The following NCBP3 variants were observed in gnomAD, a reference collection of about 807,000 sequenced individuals.
The protein encoded by NCBP3 is nuclear cap-binding protein subunit 3.
A neutral mutation model predicts 75.7 loss-of-function variants in NCBP3; 20 were observed. The observed-to-expected ratio is 0.26, with a 90% CI of 0.19 to 0.38. The LOEUF is 0.38. NCBP3 is among the 10% of genes least tolerant of loss of function. The pLI is 1.00. For synonymous variants in NCBP3, 293 were observed against 290.5 expected (o/e 1.01, Z -0.09); for missense variants, 678 against 796.9 (o/e 0.85, Z 1.80).
intron 11 of NCBP3, 32 bp from the exon 12 acceptor site, chr17:3,814,515 G>C: frequency 6.2e-7 from 1 of 1,610,292 alleles, no homozygotes; most frequent in Non-Finnish European, 8.5e-7. Flanking sequence ...ACCAGTGACC[G>C]TGTGTGTGCT....
rs1364599964 is a variant in NCBP3, at chr17:3,831,975, G to A, written c.356-2607C>T. On this transcript the variant is annotated intron_variant, in intron 3 of 12. Coordinates refer to ENST00000389005, the MANE Select transcript of NCBP3 (RefSeq NM_001114118.3). ...AAGGCGGGTGGATCACTTGATGTCAGGAGTTCGAGATCAGCCTGGACAACA... is the reference window on the plus strand; with the variant it reads ...AAGGCGGGTGGATCACTTGATGTCAAGAGTTCGAGATCAGCCTGGACAACA... 2.5e-5 allele frequency among the ~76,000 whole-genome samples: 3 copies of A among 119,150 alleles called. 1 individual carries two copies. In the South Asian group the frequency reaches 9.2e-4, roughly 36 times the overall value. 78.2% of individuals were successfully genotyped at this position (119,150 alleles called of 152,430 possible).
chr17:3,829,803 G>T (rs1164066200), intron 3 of NCBP3, among the ~76,000 whole-genome samples: 3 of 152,116 alleles, frequency 2.0e-5, no homozygotes, highest in Non-Finnish European at 4.4e-5. Context: ...GTCAAAGCAT[G>T]AAACTAAAGA....
At position 3,832,379 on chromosome 17, in the gene NCBP3, A is replaced by G. The variant is rs375254741; in HGVS notation, c.356-3011T>C. On this transcript the variant is annotated intron_variant, in intron 3 of 12. Transcript: ENST00000389005. ...GCAGGCGCGGTGGCTCACGCCTGTA[A>G]TCCCAGCACTTTGGGAGGCCGGGGC... 6.6e-5 allele frequency among the ~76,000 whole-genome samples: 8 copies of G among 120,554 alleles called. 2 individuals are homozygous for G. Among genetic ancestry groups the G allele is most frequent in the South Asian group, 3.0e-4 (1 of 3,366 alleles). The allele number at this position is 120,554 out of a possible 152,430, so 79.1% of individuals were successfully genotyped here.
In NCBP3 at chr17:3,821,283, G is replaced by A. The variant is rs761730868; in HGVS notation, c.966C>T (p.Asp322=). Residue 322 remains aspartate (D), a synonymous_variant, in exon 9 of 13, where the codon GAC becomes GAT. Coordinates refer to ENST00000389005, the MANE Select transcript of NCBP3 (RefSeq NM_001114118.3). The part of the protein sequence containing the change: ...VIKKRALIGD[D]VGLTSYKHRH... ...GATGTTTATACGACGTCAAGCCAAC[G>A]TCATCCCCAATCAGGGCTCTCTTCT... 7 of 1,614,000 alleles carry A rather than the reference G, an allele frequency of 4.3e-6. No homozygotes were observed. Among genetic ancestry groups the A allele is most frequent in the Admixed American group, 1.7e-5 (1 of 60,016 alleles).
At position 3,813,121 on chromosome 17, in the gene NCBP3, T is replaced by C. The variant is rs999641829; in HGVS notation, c.1786A>G (p.Ser596Gly). 5 of 1,614,256 alleles carry C rather than the reference T, an allele frequency of 3.1e-6. No homozygotes were observed. Among genetic ancestry groups the C allele is most frequent in the Non-Finnish European group, 4.2e-6 (5 of 1,180,050 alleles). The part of the protein sequence containing the change: ...KEKEQSRQKK[S>G]RLDNLPSLQI... Reference sequence around the variant, plus strand: ...AGAGATGGTAAGTTATCTAACCGGCTCTTCTTTTGGCGAGACTGCTCTTTC... The same window carrying C: ...AGAGATGGTAAGTTATCTAACCGGCCCTTCTTTTGGCGAGACTGCTCTTTC... Residue 596 changes from serine (S) to glycine (G), a missense_variant, in exon 13 of 13, where the codon AGC (serine) becomes GGC (glycine). This residue lies in a region of NCBP3 where 365 missense variants were observed against 392.7 expected (regional missense o/e 0.93). Coordinates refer to ENST00000389005, the MANE Select transcript of NCBP3 (RefSeq NM_001114118.3).
Position 3,811,671 on chromosome 17 carries a change from T to C in NCBP3, c.*1373A>G, listed in dbSNP as rs896871099. On this transcript the variant is annotated 3_prime_UTR_variant, in exon 13 of 13. Coordinates refer to ENST00000389005, the MANE Select transcript of NCBP3 (RefSeq NM_001114118.3). The stretch of plus-strand genomic sequence containing the variant: ...GATCGACAGGATCCAGGCTGCACTG[T>C]GTGCACAACAGCCCAGGCAGGTGAA... 1 of 152,214 alleles carries C rather than the reference T, an allele frequency of 6.6e-6. No homozygotes were observed. Among genetic ancestry groups the C allele is most frequent in the Non-Finnish European group, 1.5e-5 (1 of 68,054 alleles). 9.4% of individuals were successfully genotyped at this position (152,214 alleles called of 1,614,324 possible). A position where few individuals can be genotyped will look rare whatever the true frequency, so the allele number is the denominator to read the frequency against.
At position 3,816,631 on chromosome 17, in the gene NCBP3, T is replaced by C. The variant is rs62070426; in HGVS notation, c.1311-361A>G. On this transcript the variant is annotated intron_variant, in intron 10 of 12. Transcript: ENST00000389005. ...ATGTGGCTGTAGTCAACACACAGTA[T>C]AGTCTACAGTCTCTCTCTTTAAAGG... 5.0e-3 allele frequency among the ~76,000 whole-genome samples: 765 copies of C among 152,360 alleles called. 2 individuals carry two copies. Among genetic ancestry groups the C allele is most frequent in the Non-Finnish European group, 8.4e-3 (571 of 68,036 alleles).
At chr17:3,822,607 A>G (rs1208831363) in intron 7 of NCBP3, 2 of 152,282 alleles carry the variant, frequency 1.3e-5, no homozygotes, top group African/African-American at 2.4e-5. Context: ...AAATGAGTAA[A>G]TGTGGTAAAG....
At chr17:3,833,280 A>AT (rs1313177921) in intron 3 of NCBP3, among the ~76,000 whole-genome samples, 1 of 152,120 alleles carries the variant, frequency 6.6e-6, no homozygotes, top group African/African-American at 2.4e-5. Context: ...TGCTCAGCTA[A>AT]TTTTTTTATT....
rs1315534548 is a variant in NCBP3 at position 3,818,582 on chromosome 17, T to C, written c.1001-10A>G. ...GGAACATTCACTAGCCCTGAAGAAA[T>C]TTAACCAGAAAACATTAGGAAAAGC... On this transcript the variant is annotated splice_polypyrimidine_tract_variant and intron_variant, in intron 9 of 12. Coordinates refer to ENST00000389005, the MANE Select transcript of NCBP3 (RefSeq NM_001114118.3). The surrounding 1 kb of genome is among the most constrained non-coding windows in gnomAD (Gnocchi z 4.7). The C allele has an allele frequency of 7.6e-6, 12 of 1,587,688 alleles. No individual in the cohort carries two copies. Among genetic ancestry groups the C allele is most frequent in the Non-Finnish European group, 9.4e-6 (11 of 1,171,140 alleles).
rs112698581 is a variant in NCBP3 at position 3,818,033 on chromosome 17, T to C, written c.1310+230A>G. 6.6e-6 allele frequency among the ~76,000 whole-genome samples: 1 copy of C among 152,086 alleles called. No individual in the cohort carries two copies. Among genetic ancestry groups the C allele is most frequent in the East Asian group, 1.9e-4 (1 of 5,196 alleles). On this transcript the variant is annotated intron_variant, in intron 10 of 12. Transcript: ENST00000389005. The surrounding 1 kb of genome is among the most constrained non-coding windows in gnomAD (Gnocchi z 4.7). ...TTCGCCAAATTGCTAACAGTAGTTA[T>C]TGTTGAGAAAGAATGGGAATACAGA... is the stretch of plus-strand genomic sequence containing the variant.
chr17:3,846,232 G>A lies in NCBP3; in HGVS notation c.-9C>T, dbSNP rs1405145848. ...CCCCGTACGGCCGCCATCGCTGCCT[G>A]CCGGCCGCACCACTGAGAGCCCGCC... On this transcript the variant is annotated 5_prime_UTR_variant, in exon 1 of 13. Transcript: ENST00000389005. This position sits in a 1 kb window ranked among gnomAD's most constrained non-coding sequence, Gnocchi z 4.6. The A allele has an allele frequency of 4.2e-6, 6 of 1,420,944 alleles. No homozygotes were observed. Among genetic ancestry groups the A allele is most frequent in the Admixed American group, 3.2e-5 (1 of 30,964 alleles). 88.0% of individuals were successfully genotyped at this position (1,420,944 alleles called of 1,614,324 possible).
chr17:3,829,350 A>G lies in NCBP3; in HGVS notation c.374T>C (p.Leu125Pro), dbSNP rs2053839440. The G allele has an allele frequency of 6.4e-7, 1 of 1,551,970 alleles. No homozygotes were observed. The highest frequency in any genetic ancestry group is 8.7e-7 in the Non-Finnish European group (1 of 1,147,006). Reference sequence around the variant, plus strand: ...TACTCCGCAAATATAGATTGTCTCCAGTCTCACCTTGGGGATTGCTAGAAA... The same window carrying G: ...TACTCCGCAAATATAGATTGTCTCCGGTCTCACCTTGGGGATTGCTAGAAA... The part of the protein sequence containing the change: ...MMKKAIPKVR[L>P]ETIYICGVDE... Residue 125 changes from leucine to proline, a missense_variant, in exon 4 of 13, where the codon CTG becomes CCG. Around this residue, in one of 7 missense-constraint regions of NCBP3, gnomAD observed 40 missense variants for 41.3 expected, o/e 0.97. Transcript: ENST00000389005.
Position 3,812,632 on chromosome 17 carries a change from T to C in NCBP3, c.*412A>G. 1 of 1,016,078 alleles carries C rather than the reference T, an allele frequency of 9.8e-7. No homozygotes were observed. Among genetic ancestry groups the C allele is most frequent in the East Asian group, 9.7e-5 (1 of 10,288 alleles). The allele number at this position is 1,016,078 out of a possible 1,614,324, so 62.9% of individuals were successfully genotyped here. On this transcript the variant is annotated 3_prime_UTR_variant, in exon 13 of 13. Coordinates refer to ENST00000389005, the MANE Select transcript of NCBP3 (RefSeq NM_001114118.3). ...TAAGCACCTGGGAATTGACTTTTCT[T>C]GGGAAAAGGGTGCTGGTAACAGCTG... is the stretch of plus-strand genomic sequence containing the variant.
intron 7 of NCBP3, 44 bp downstream of exon 7, chr17:3,824,898 C>T: frequency 8.9e-7 from 1 of 1,120,558 alleles, no homozygotes; most frequent in Admixed American, 2.4e-5. Flanking sequence ...CATAATAAAT[C>T]ATTTTGATTG....
At chr17:3,840,276 T>C (rs997408608) in intron 2 of NCBP3, 71 bp from the exon 3 acceptor site, 2 of 1,238,586 alleles carry the variant, frequency 1.6e-6, no homozygotes, top group South Asian at 1.3e-5. Flanking sequence ...TGCATCATGA[T>C]GCATCAGTGA....
intron 1 of NCBP3, among the ~76,000 whole-genome samples, chr17:3,845,505 G>C (rs1348207366): frequency 1.4e-5 from 2 of 146,578 alleles, no homozygotes; most frequent in East Asian, 1.9e-4. Flanking sequence ...CTGGAGCTGC[G>C]GGGGGGGCAA....
chr17:3,826,796 G>A (rs988547897), intron 4 of NCBP3, among the ~76,000 whole-genome samples: 6 of 151,986 alleles, frequency 3.9e-5, no homozygotes, highest in East Asian at 1.9e-4. Flanking sequence ...GGCGGATCAC[G>A]AGGTCAGGAG....
intron 3 of NCBP3, among the ~76,000 whole-genome samples, chr17:3,837,981 T>TA (rs1302157551): frequency 3.7e-4 from 53 of 144,914 alleles, no homozygotes; most frequent in Non-Finnish European, 6.4e-4. Context: ...AGTTGTACGT[T>TA]AAAAAAAAAA....
Sources: gnomAD v4.1 joint callset for allele counts (sites outside exome capture counted in the v4.1 genomes callset) on GRCh38, gnomAD v4.1.1 for gene constraint, gnomAD v4.1.1 regional missense constraint, Gnocchi (gnomAD v3.1) non-coding constraint, MANE v1.5 for transcripts, NCBI Gene and HGNC (gene_info 2026-07-23, HGNC 2026-07-21) for gene names.